Variants in CHRNA1 observed in about 807,000 individuals in gnomAD.
The protein encoded by CHRNA1 is cholinergic receptor nicotinic alpha 1 subunit, also known as acetylcholine receptor subunit alpha.
In CHRNA1, 35 loss-of-function variants were observed where a neutral mutation model predicts 47.1. The ratio of observed to expected loss-of-function variants is 0.74; its 90% CI spans 0.57 to 0.99. The LOEUF is 0.99. CHRNA1 is among the 50% of genes least tolerant of loss of function. The pLI is 0.00. For missense variants in CHRNA1, 506 were observed against 591.1 expected, an observed-to-expected ratio of 0.86 and a Z score of 1.49; for synonymous variants, 229 against 223.6, an observed-to-expected ratio of 1.02 and a Z score of -0.22.
At chr2:174,763,051 CA>C (rs200402211) in intron 1 of CHRNA1, among the ~76,000 whole-genome samples, 8,644 of 152,218 alleles carry the variant, frequency 0.057, 324 homozygotes, top group South Asian at 0.21. Context: ...TGACCTTGGG[CA>C]GGTCAGCTTT....
intron 6 of CHRNA1, among the ~76,000 whole-genome samples, chr2:174,750,451 C>T (rs1683826851): frequency 6.6e-6 from 1 of 152,094 alleles, no homozygotes; most frequent in Non-Finnish European, 1.5e-5. Flanking sequence ...ATGGCCATTA[C>T]AAACCGAGAG....
chr2:174,763,775 T>G (rs1684140675), intron 1 of CHRNA1, among the ~76,000 whole-genome samples: 1 of 152,032 alleles, frequency 6.6e-6, no homozygotes, highest in Non-Finnish European at 1.5e-5. Context: ...TAGGAATGTA[T>G]TCATATGGAA....
At chr2:174,750,239 C>T in intron 6 of CHRNA1, 70 bp from the exon 7 acceptor site, 1 of 1,177,244 alleles carries the variant, frequency 8.5e-7, no homozygotes, top group Non-Finnish European at 1.2e-6. Context: ...GTGTTCCTCC[C>T]ACCCCACCAT....
In CHRNA1 at chr2:174,756,341, A is replaced by G. The variant is rs1022471769; in HGVS notation, c.344+1225T>C. On this transcript the variant is annotated intron_variant, in intron 4 of 8. Coordinates refer to ENST00000348749, the MANE Select transcript of CHRNA1 (RefSeq NM_000079.4). ...GTCTCAGTGGGATTTCAGGGACATC[A>G]TGGCATATGTTGGTCCCTCATGTCA... Among the ~76,000 whole-genome samples the G allele has an allele frequency of 5.5e-4, 84 of 152,224 alleles. 4 individuals carry two copies. Among genetic ancestry groups the G allele is most frequent in the Non-Finnish European group, 1.9e-4 (13 of 68,028 alleles).
intron 1 of CHRNA1, among the ~76,000 whole-genome samples, chr2:174,763,320 GCA>G (rs1465444027): frequency 3.4e-5 from 1 of 29,644 alleles, no homozygotes; most frequent in African/African-American, 6.1e-5. Context: ...GCATGTGTGT[GCA>G]CGCGCGCGCA....
Position 174,753,505 on chromosome 2 carries a change from G to A in CHRNA1, c.776C>T (p.Ser259Leu). The A allele has an allele frequency of 6.2e-7, 1 of 1,613,338 alleles. No homozygotes were observed. Among genetic ancestry groups the A allele is most frequent in the Non-Finnish European group, 8.5e-7 (1 of 1,179,222 alleles). ...TGLVFYLPTDSGEKMTLSISV... is the reference protein window; with the variant it reads ...TGLVFYLPTDLGEKMTLSISV... Reference sequence around the variant, plus strand: ...GCAGTCATGGCAACCACACCCACCTGAGTCTGTGGGCAGGTAGAATACCAG... The same window carrying A: ...GCAGTCATGGCAACCACACCCACCTAAGTCTGTGGGCAGGTAGAATACCAG... Residue 259 changes from serine to leucine, a missense_variant and splice_region_variant, in exon 6 of 9, where the codon TCA becomes TTA. By Grantham distance (145) the Ser-to-Leu change is moderately radical (BLOSUM62 -2). Transcript: ENST00000348749.
Position 174,747,598 on chromosome 2 carries a change from A to C in CHRNA1, c.*526T>G, listed in dbSNP as rs966040107. The C allele has an allele frequency of 6.1e-6, 1 of 163,926 alleles. No individual in the cohort carries two copies. Among genetic ancestry groups the C allele is most frequent in the Non-Finnish European group, 1.3e-5 (1 of 74,908 alleles). The allele number at this position is 163,926 out of a possible 1,614,324, so 10.2% of individuals were successfully genotyped here. A position where few individuals can be genotyped will look rare whatever the true frequency, so the allele number is the denominator to read the frequency against. On this transcript the variant is annotated 3_prime_UTR_variant, in exon 9 of 9. Transcript: ENST00000348749. ...AAACAAAAAAACCCATGGATTTTTG[A>C]TGCAGTTTGCATTTTAGTTTATTTC...
In CHRNA1 at chr2:174,754,309, G is replaced by T; in HGVS notation, c.450C>A (p.Ile150=). 2 of 1,614,246 alleles carry T rather than the reference G, an allele frequency of 1.2e-6. No homozygotes were observed. Among genetic ancestry groups the T allele is most frequent in the Non-Finnish European group, 1.7e-6 (2 of 1,180,048 alleles). The change falls in exon 5 of 9, where the codon ATC becomes ATA. Residue 150 remains isoleucine (I), a synonymous_variant. Transcript: ENST00000348749. ...PPAIFKSYCE[I]IVTHFPFDEQ... ...CATCAAAGGGAAAGTGGGTGACGAT[G>T]ATCTCACAGTAGCTTTTAAAGATGG...
chr2:174,760,416 C>T (rs1311613453), intron 1 of CHRNA1, among the ~76,000 whole-genome samples: 1 of 152,138 alleles, frequency 6.6e-6, no homozygotes, highest in African/African-American at 2.4e-5. Flanking sequence ...ATGGATGGAG[C>T]TTGGAAACAT....
chr2:174,748,827 A>T lies in CHRNA1; in HGVS notation c.1003-8T>A. 6.2e-7 allele frequency: 1 copy of T among 1,613,730 alleles called. No individual in the cohort carries two copies. The highest frequency in any genetic ancestry group is 1.3e-5 in the African/African-American group (1 of 74,914). ...GATAGTGTCGATAAAAACCTAACAT[A>T]AAAAAGAAATCCATGCATGAGAATT... On this transcript the variant is annotated splice_polypyrimidine_tract_variant and splice_region_variant and intron_variant, in intron 7 of 8. Coordinates refer to ENST00000348749, the MANE Select transcript of CHRNA1 (RefSeq NM_000079.4).
At chr2:174,759,778 A>C in intron 1 of CHRNA1, 145 bp from the exon 2 acceptor site, 1 of 1,063,640 alleles carries the variant, frequency 9.4e-7, no homozygotes, top group Non-Finnish European at 1.4e-6. Flanking sequence ...AGGCTCCCAA[A>C]TGCAGCAGTT....
chr2:174,759,778 A>T (rs1461602207), intron 1 of CHRNA1, 145 bp from the exon 2 acceptor site: 3 of 1,063,530 alleles, frequency 2.8e-6, no homozygotes, highest in Non-Finnish European at 4.1e-6. Flanking sequence ...AGGCTCCCAA[A>T]TGCAGCAGTT....
rs569075903 is a variant in CHRNA1 at position 174,764,362 on chromosome 2, G to T, written c.33C>A (p.Ser11Arg). 3 of 1,613,450 alleles carry T rather than the reference G, an allele frequency of 1.9e-6. No individual in the cohort carries two copies. The highest frequency in any genetic ancestry group is 2.2e-5 in the South Asian group (2 of 90,860). Reference sequence around the variant, plus strand: ...GACCCCAGCACTTACCTGAGCAAAGGCTAAAGAGCAGGAGGAGAGGCCAGG... The same window carrying T: ...GACCCCAGCACTTACCTGAGCAAAGTCTAAAGAGCAGGAGGAGAGGCCAGG... MEPWPLLLLFSLCSAGLVLGS... is the reference protein window; with the variant it reads MEPWPLLLLFRLCSAGLVLGS... Residue 11 changes from serine (S) to arginine (R), a missense_variant, in exon 1 of 9, where the codon AGC (serine) becomes AGA (arginine). Transcript: ENST00000348749.
rs747980611 is a variant in CHRNA1 at position 174,748,279 on chromosome 2, C to G, written c.1243-24G>C. 4 of 1,613,730 alleles carry G rather than the reference C, an allele frequency of 2.5e-6. No individual in the cohort carries two copies. In the East Asian group the frequency reaches 6.7e-5, roughly 27 times the overall value. Reference sequence around the variant, plus strand: ...GCCTGGGAGAGAGGAAAATGTTAGACAGAGTCTCCCTAAGGTGGTTTCTGG... The same window carrying G: ...GCCTGGGAGAGAGGAAAATGTTAGAGAGAGTCTCCCTAAGGTGGTTTCTGG... On this transcript the variant is annotated intron_variant, in intron 8 of 8. Coordinates refer to ENST00000348749, the MANE Select transcript of CHRNA1 (RefSeq NM_000079.4).
At chr2:174,750,361 C>T (rs1330441410) in intron 6 of CHRNA1, among the ~76,000 whole-genome samples, 192 bp from the exon 7 acceptor site, 1 of 151,950 alleles carries the variant, frequency 6.6e-6, no homozygotes, top group Non-Finnish European at 1.5e-5. Flanking sequence ...AGTGAGTAAT[C>T]AAGTATGACT....
intron 6 of CHRNA1, among the ~76,000 whole-genome samples, chr2:174,751,066 T>TCA (rs1337125668): frequency 3.2e-4 from 49 of 152,372 alleles, no homozygotes; most frequent in Admixed American, 9.8e-4. Context: ...TGAGTGATCT[T>TCA]CTGATACAGT....
intron 7 of CHRNA1, 70 bp from the exon 8 acceptor site, chr2:174,748,889 A>G: frequency 1.3e-6 from 2 of 1,589,636 alleles, no homozygotes; most frequent in Non-Finnish European, 1.7e-6. Flanking sequence ...CTGTCTTTGA[A>G]TTATCAATGT....
rs200476015 is a variant in CHRNA1 at position 174,759,879 on chromosome 2, T to C, written c.44-246A>G. The stretch of plus-strand genomic sequence containing the variant: ...CCAGGTAATCACAACGCTTGTACTT[T>C]GGACAGGTGACATTCCTTCATACAG... On this transcript the variant is annotated intron_variant, in intron 1 of 8. Coordinates refer to ENST00000348749, the MANE Select transcript of CHRNA1 (RefSeq NM_000079.4). 1.2e-4 allele frequency among the ~76,000 whole-genome samples: 18 copies of C among 151,540 alleles called. No individual in the cohort carries two copies. In the East Asian group the frequency reaches 3.5e-3, roughly 29 times the overall value.
chr2:174,759,934 ACAC>A (rs1227106779), intron 1 of CHRNA1, among the ~76,000 whole-genome samples: 1 of 62,420 alleles, frequency 1.6e-5, no homozygotes, highest in Admixed American at 2.1e-4. Flanking sequence ...CCAGGTACAC[ACAC>A]ACACACACAC....
Sources: gnomAD v4.1 joint callset for allele counts (sites outside exome capture counted in the v4.1 genomes callset) on GRCh38, gnomAD v4.1.1 for gene constraint, MANE v1.5 for transcripts, NCBI Gene and HGNC (gene_info 2026-07-23, HGNC 2026-07-21) for gene names.